Variants in PTPRD observed in about 807,000 individuals in gnomAD.
PTPRD encodes the protein receptor-type tyrosine-protein phosphatase delta.
A neutral mutation model predicts 214.5 loss-of-function variants in PTPRD; 34 were observed. The ratio of observed to expected loss-of-function variants is 0.16; its 90% CI spans 0.12 to 0.21. The LOEUF (loss-of-function observed/expected upper bound fraction) is 0.21. PTPRD is among the 10% of genes least tolerant of loss of function. PTPRD has a pLI of 1.00. For missense variants in PTPRD, 2,545 were observed against 2,398.7 expected (o/e 1.06, Z -1.27); for synonymous variants, 1,128 against 845.7 (o/e 1.33, Z -5.79).
chr9:9,255,429 A>G (rs912432957), intron 9 of PTPRD, among the ~76,000 whole-genome samples: 3 of 152,046 alleles, frequency 2.0e-5, no homozygotes, highest in African/African-American at 7.2e-5. Flanking sequence ...CTCTTTATAT[A>G]TTTAAAGGAT....
At position 8,915,973 on chromosome 9, in the gene PTPRD, T is replaced by C. The variant is rs980846292; in HGVS notation, c.-104+102724A>G. ...CACAGGAATGAAGGAGAAGAAGGTG[T>C]TTAGAAAGATCCCTGTCTTTCTGAT... On this transcript the variant is annotated intron_variant, in intron 11 of 45. Transcript: ENST00000381196. 3.9e-5 allele frequency among the ~76,000 whole-genome samples: 6 copies of C among 152,154 alleles called. No individual in the cohort carries two copies. The East Asian group carries it at 1.2e-3, about 29-fold the overall frequency.
chr9:10,290,885 TG>T (rs1414304316), intron 3 of PTPRD, among the ~76,000 whole-genome samples: 2 of 152,140 alleles, frequency 1.3e-5, no homozygotes, highest in African/African-American at 4.8e-5. Flanking sequence ...CTACAGATAC[TG>T]TTGAATATAA....
chr9:9,538,118 G>C (rs1221069018), intron 8 of PTPRD, among the ~76,000 whole-genome samples: 2 of 151,782 alleles, frequency 1.3e-5, no homozygotes, highest in Non-Finnish European at 2.9e-5. Flanking sequence ...TCAAATCAGA[G>C]CATCTTTCAA....
chr9:10,488,136 G>C (rs915282081), intron 2 of PTPRD, among the ~76,000 whole-genome samples: 1 of 151,918 alleles, frequency 6.6e-6, no homozygotes, highest in Non-Finnish European at 1.5e-5. Flanking sequence ...GGGAGCCCGA[G>C]CCGGGTGGAT....
intron 10 of PTPRD, among the ~76,000 whole-genome samples, chr9:9,169,266 T>C (rs888220616): frequency 6.6e-6 from 1 of 152,112 alleles, no homozygotes; most frequent in African/African-American, 2.4e-5. Flanking sequence ...TATATAAAGG[T>C]CATACTACAA....
intron 3 of PTPRD, among the ~76,000 whole-genome samples, chr9:10,278,660 C>T (rs7025419): frequency 0.15 from 22,503 of 152,136 alleles, 1,645 homozygotes; most frequent in Middle Eastern, 0.17. Context: ...ATTTTCAAAT[C>T]ACATTAAACT....
chr9:8,590,267 T>G (rs2093997414), intron 14 of PTPRD, among the ~76,000 whole-genome samples: 1 of 152,220 alleles, frequency 6.6e-6, no homozygotes, highest in East Asian at 1.9e-4. Context: ...AAATATGACA[T>G]AAGAGCTCTG....
chr9:9,903,172 A>T (rs2076794617), intron 5 of PTPRD, among the ~76,000 whole-genome samples: 1 of 152,176 alleles, frequency 6.6e-6, no homozygotes, highest in Non-Finnish European at 1.5e-5. Context: ...TCCAATGATT[A>T]TATATCTTGC....
At chr9:10,247,915 G>A (rs1409828310) in intron 3 of PTPRD, among the ~76,000 whole-genome samples, 1 of 152,200 alleles carries the variant, frequency 6.6e-6, no homozygotes, top group Non-Finnish European at 1.5e-5. Flanking sequence ...ATGTGTTATG[G>A]GAGGGACCCA....
In PTPRD at chr9:9,934,662, T is replaced by C. The variant is rs375608238; in HGVS notation, c.-368+3845A>G. On this transcript the variant is annotated intron_variant, in intron 5 of 45. Transcript: ENST00000381196. ...TCGCAGAGGTACAAGGAGGAACTGGTACCATTCCTTCTGAAACTATTCCAA... is the reference window on the plus strand; with the variant it reads ...TCGCAGAGGTACAAGGAGGAACTGGCACCATTCCTTCTGAAACTATTCCAA... 8.6e-5 allele frequency among the ~76,000 whole-genome samples: 13 copies of C among 151,030 alleles called. No individual in the cohort carries two copies. The East Asian group carries it at 1.8e-3, about 20-fold the overall frequency.
intron 3 of PTPRD, among the ~76,000 whole-genome samples, chr9:10,273,656 C>T (rs1257053312): frequency 6.6e-6 from 1 of 152,078 alleles, no homozygotes; most frequent in African/African-American, 2.4e-5. Flanking sequence ...TAGAGAATGA[C>T]TTCTTTATTC....
chr9:9,896,125 G>T (rs764471916), intron 5 of PTPRD, among the ~76,000 whole-genome samples: 1 of 151,904 alleles, frequency 6.6e-6, no homozygotes, highest in Non-Finnish European at 1.5e-5. Flanking sequence ...TACAAATGAA[G>T]GGAGCTGAAG....
At chr9:8,840,235 G>T (rs765045624) in intron 11 of PTPRD, among the ~76,000 whole-genome samples, 1 of 152,170 alleles carries the variant, frequency 6.6e-6, no homozygotes, top group Non-Finnish European at 1.5e-5. Flanking sequence ...AATTCCACGT[G>T]TTGTAGGAGA....
intron 9 of PTPRD, among the ~76,000 whole-genome samples, chr9:9,238,178 C>G (rs1300058252): frequency 6.6e-6 from 1 of 152,008 alleles, no homozygotes; most frequent in Non-Finnish European, 1.5e-5. Context: ...AGGCCTCTGT[C>G]TTCTGCATGT....
At chr9:9,823,798 A>C (rs1219636020) in intron 5 of PTPRD, among the ~76,000 whole-genome samples, 1 of 152,092 alleles carries the variant, frequency 6.6e-6, no homozygotes, top group African/African-American at 2.4e-5. Flanking sequence ...TCTAGTGTTC[A>C]GTAGCACAAT....
chr9:8,948,042 A>G, intron 11 of PTPRD, among the ~76,000 whole-genome samples: 1 of 139,894 alleles, frequency 7.1e-6, no homozygotes, highest in Admixed American at 7.3e-5. Flanking sequence ...TTTTTTTGAG[A>G]CGGAGTCTCA....
chr9:9,313,427 A>C (rs1002685382), intron 9 of PTPRD, among the ~76,000 whole-genome samples: 1 of 152,176 alleles, frequency 6.6e-6, no homozygotes, highest in Non-Finnish European at 1.5e-5. Context: ...ATAAAGAATT[A>C]GCGTAAATAA....
intron 11 of PTPRD, among the ~76,000 whole-genome samples, chr9:8,904,841 G>C (rs893758374): frequency 6.6e-6 from 1 of 152,002 alleles, no homozygotes; most frequent in Non-Finnish European, 1.5e-5. Flanking sequence ...TCATATAATT[G>C]AGGTAAAAAT....
In PTPRD at chr9:8,652,388, C is replaced by T. The variant is rs531360732; in HGVS notation, c.65-15544G>A. Reference sequence around the variant, plus strand: ...GGAAAATCAACCAATAATTACTGCCCTGGCACACGGCTATTGTTCACAGCA... The same window carrying T: ...GGAAAATCAACCAATAATTACTGCCTTGGCACACGGCTATTGTTCACAGCA... On this transcript the variant is annotated intron_variant, in intron 12 of 45. Transcript: ENST00000381196. Among the ~76,000 whole-genome samples, 33 of 152,318 alleles carry T rather than the reference C, an allele frequency of 2.2e-4. No homozygotes were observed. The South Asian group carries it at 6.8e-3, about 32-fold the overall frequency.
Sources: allele counts gnomAD v4.1 joint callset (sites outside exome capture counted in the v4.1 genomes callset), GRCh38; gene constraint gnomAD v4.1.1; transcripts MANE v1.5; gene names NCBI Gene and HGNC (gene_info 2026-07-23, HGNC 2026-07-21).